The following TANK variants were observed in gnomAD, a reference collection of about 807,000 sequenced individuals.
TANK encodes TRAF family member-associated NF-kappa-B activator.
In TANK, 15 loss-of-function variants were observed where a neutral mutation model predicts 43.6. That is an observed-to-expected ratio of 0.34 (90% CI 0.23 to 0.53). The LOEUF (loss-of-function observed/expected upper bound fraction) is 0.53, where lower values mean the gene tolerates loss of function less well. Ranked by LOEUF, TANK falls within the 20% of genes least tolerant of loss-of-function variation. The probability of loss-of-function intolerance (pLI) is 0.94; values close to 1 mark genes in which losing one functional copy is unlikely to be tolerated. For missense variants in TANK, 417 were observed against 498.6 expected (o/e 0.84, Z 1.56); for synonymous variants, 162 against 178.2 (o/e 0.91, Z 0.73).
chr2:161,148,549 C>T (rs1403659764), intron 1 of TANK, among the ~76,000 whole-genome samples: 10 of 152,000 alleles, frequency 6.6e-5, no homozygotes, highest in Non-Finnish European at 1.5e-5. Flanking sequence ...GGTTTGTTTT[C>T]TTGTTTGTTA....
chr2:161,140,532 A>G (rs920403256), intron 1 of TANK, among the ~76,000 whole-genome samples: 1 of 151,552 alleles, frequency 6.6e-6, no homozygotes, highest in African/African-American at 2.4e-5. Context: ...TATTTCTTCT[A>G]TAGTTAGCTC....
chr2:161,141,735 G>A (rs1385266635), intron 1 of TANK, among the ~76,000 whole-genome samples: 1 of 152,148 alleles, frequency 6.6e-6, no homozygotes, highest in East Asian at 1.9e-4. Flanking sequence ...TATCACTGAT[G>A]GGCATTTGGA....
At chr2:161,180,098 T>G in intron 2 of TANK, 1 of 1,010,118 alleles carries the variant, frequency 9.9e-7, no homozygotes, top group Non-Finnish European at 1.2e-6. Flanking sequence ...AGTATCACTG[T>G]CTCCATTTGT....
Position 161,166,520 on chromosome 2 carries a change from G to C in TANK, c.-50+6034G>C, listed in dbSNP as rs147686204. On this transcript the variant is annotated intron_variant, in intron 1 of 7. Transcript: ENST00000392749. ...ATCTTCCTAACCATCCAAAAGAGAA[G>C]ATGTCTTATTTATGTGTATATGTCG... Among the ~76,000 whole-genome samples, 518 of 152,310 alleles carry C rather than the reference G, an allele frequency of 3.4e-3. 5 individuals are homozygous for C. Among genetic ancestry groups the C allele is most frequent in the Middle Eastern group, 6.8e-3 (2 of 294 alleles).
chr2:161,160,590 G>T (rs1684372026), intron 1 of TANK, 104 bp downstream of exon 1: 4 of 974,104 alleles, frequency 4.1e-6, no homozygotes. Context: ...TAGGGGCGCC[G>T]CAGGGAGAGA....
chr2:161,183,607 A>G (rs1318357221), intron 2 of TANK, among the ~76,000 whole-genome samples: 1 of 152,144 alleles, frequency 6.6e-6, no homozygotes, highest in Non-Finnish European at 1.5e-5. Context: ...TCACATTAGC[A>G]TATATTCCAA....
intron 1 of TANK, among the ~76,000 whole-genome samples, chr2:161,151,605 T>G (rs1320218589): frequency 6.6e-6 from 1 of 152,212 alleles, no homozygotes; most frequent in Middle Eastern, 3.2e-3. Context: ...TTTTGGTTAC[T>G]GTTTGCATGA....
chr2:161,150,068 G>C (rs1684030781), intron 1 of TANK, among the ~76,000 whole-genome samples: 2 of 152,048 alleles, frequency 1.3e-5, no homozygotes, highest in South Asian at 4.2e-4. Flanking sequence ...TGTTATTTAA[G>C]TGCATGGTAG....
At chr2:161,150,642 G>T (rs1480192670) in intron 1 of TANK, among the ~76,000 whole-genome samples, 3 of 143,072 alleles carry the variant, frequency 2.1e-5, no homozygotes, top group Non-Finnish European at 3.0e-5. Flanking sequence ...TGTCTCCCAG[G>T]CTGGTGCAAT....
rs116490181 is a variant in TANK at position 161,226,751 on chromosome 2, G to A, written c.520+2005G>A. 3.0e-3 allele frequency among the ~76,000 whole-genome samples: 455 copies of A among 152,162 alleles called. 3 individuals are homozygous for A. The highest frequency in any genetic ancestry group is 0.01 in the African/African-American group (435 of 41,514). ...ACTTAAGAAATGATAAAGATAAAATGTATGTTTATCCATAGCTTCAAATAA... is the reference window on the plus strand; with the variant it reads ...ACTTAAGAAATGATAAAGATAAAATATATGTTTATCCATAGCTTCAAATAA... On this transcript the variant is annotated intron_variant, in intron 6 of 7. Transcript: ENST00000392749.
intron 4 of TANK, chr2:161,219,698 CT>C: frequency 9.1e-6 from 4 of 441,354 alleles, no homozygotes; most frequent in South Asian, 3.4e-5. Flanking sequence ...TGTCTCAGCC[CT>C]TTTTTCACTT....
Position 161,224,641 on chromosome 2 carries a change from G to A in TANK, c.415G>A (p.Glu139Lys). 6.5e-7 allele frequency: 1 copy of A among 1,549,120 alleles called. No individual in the cohort carries two copies. The highest frequency in any genetic ancestry group is 8.8e-7 in the Non-Finnish European group (1 of 1,139,592). Residue 139 changes from glutamate to lysine, a missense_variant, in exon 6 of 8, where the codon GAG (glutamate) becomes AAG (lysine). Glu to Lys is a moderately conservative substitution (Grantham distance 56). Transcript: ENST00000392749. ...SPLLHERGNI[E>K]KTFWDLKEEF... ...GATTTTTTTTTTTAGGGGTAATATA[G>A]AGAAGACTTTCTGGGATCTGAAAGA...
intron 1 of TANK, among the ~76,000 whole-genome samples, chr2:161,174,445 T>A (rs1041850949): frequency 3.3e-5 from 5 of 152,184 alleles, no homozygotes; most frequent in African/African-American, 1.2e-4. Flanking sequence ...CATTGTGAAA[T>A]GAAATGCCCT....
intron 4 of TANK, among the ~76,000 whole-genome samples, chr2:161,217,588 T>TGA (rs1165217726): frequency 1.8e-3 from 201 of 114,322 alleles, no homozygotes; most frequent in African/African-American, 5.3e-3. Flanking sequence ...AGTTGGTTTG[T>TGA]GTGTGTGTGT....
chr2:161,198,269 C>T (rs1051240490), intron 2 of TANK, among the ~76,000 whole-genome samples: 3 of 152,220 alleles, frequency 2.0e-5, no homozygotes, highest in Admixed American at 2.0e-4. Context: ...CTCAGTAGGG[C>T]AAACATTAAA....
intron 1 of TANK, among the ~76,000 whole-genome samples, chr2:161,144,509 T>G (rs191115300): frequency 1.3e-5 from 2 of 152,116 alleles, no homozygotes; most frequent in Non-Finnish European, 2.9e-5. Flanking sequence ...TCATCTCGTT[T>G]TCATTAGTTT....
intron 1 of TANK, chr2:161,160,889 A>G (rs1684397069): frequency 6.3e-6 from 3 of 474,436 alleles, no homozygotes; most frequent in Non-Finnish European, 1.3e-5. Context: ...TCCTAGAATC[A>G]AGTAGTATCG....
chr2:161,211,149 C>CT (rs1465282925), intron 4 of TANK, among the ~76,000 whole-genome samples: 3 of 152,174 alleles, frequency 2.0e-5, no homozygotes, highest in African/African-American at 7.2e-5. Context: ...TACGCATGGT[C>CT]TGCTTCTTCA....
rs146424365 is a variant in TANK at position 161,234,278 on chromosome 2, T to G, written c.1102-1064T>G. 5.8e-3 allele frequency among the ~76,000 whole-genome samples: 888 copies of G among 152,274 alleles called. 9 individuals carry two copies. The highest frequency in any genetic ancestry group is 0.02 in the African/African-American group (827 of 41,560). ...CAGTAACACTTGTCAGGTGCTAGAC[T>G]AGGATGTGTGACTTTAAAAACATAT... On this transcript the variant is annotated intron_variant, in intron 7 of 7. Transcript: ENST00000392749.
Sources: allele counts gnomAD v4.1 joint callset (sites outside exome capture counted in the v4.1 genomes callset), GRCh38; gene constraint gnomAD v4.1.1; transcripts MANE v1.5; gene names NCBI Gene and HGNC (gene_info 2026-07-23, HGNC 2026-07-21).